The following RANBP17 variants were observed in gnomAD, a reference collection of about 807,000 sequenced individuals.
RANBP17 encodes ran-binding protein 17.
RANBP17 carries 158 observed loss-of-function variants against 141.2 expected under a neutral mutation model. That is an observed-to-expected ratio of 1.12 (90% CI 0.98 to 1.28). The LOEUF is 1.28. Ranked by LOEUF, RANBP17 falls within the 50% of genes most tolerant of loss-of-function variation. The pLI, the probability that RANBP17 is intolerant of heterozygous loss-of-function variation, is 0.00. For synonymous variants in RANBP17, 430 were observed against 450.0 expected, an observed-to-expected ratio of 0.96 and a Z score of 0.56; for missense variants, 1,438 against 1,290.7, an observed-to-expected ratio of 1.11 and a Z score of -1.75.
At chr5:171,114,247 C>T (rs1755454599) in intron 14 of RANBP17, among the ~76,000 whole-genome samples, 1 of 152,048 alleles carries the variant, frequency 6.6e-6, no homozygotes, top group Admixed American at 6.5e-5. Flanking sequence ...TATTTCAGAA[C>T]CTTTCTTTTG....
At chr5:171,022,579 C>T (rs1238170074) in intron 14 of RANBP17, among the ~76,000 whole-genome samples, 1 of 152,218 alleles carries the variant, frequency 6.6e-6, no homozygotes, top group Non-Finnish European at 1.5e-5. Flanking sequence ...CCACAGTCTG[C>T]CACAGCCGGT....
In RANBP17 at chr5:171,197,349, A is replaced by G. The variant is rs370026940; in HGVS notation, c.2039-2321A>G. 1.1e-4 allele frequency among the ~76,000 whole-genome samples: 16 copies of G among 152,282 alleles called. No homozygotes were observed. The East Asian group carries it at 2.5e-3, about 24-fold the overall frequency. Reference sequence around the variant, plus strand: ...TGTTTTCCATGTATTATAACATTTAATCTTCACAGTGACCCTCAATGATAA... The same window carrying G: ...TGTTTTCCATGTATTATAACATTTAGTCTTCACAGTGACCCTCAATGATAA... On this transcript the variant is annotated intron_variant, in intron 18 of 27. Coordinates refer to ENST00000523189, the MANE Select transcript of RANBP17 (RefSeq NM_022897.5).
intron 1 of RANBP17, among the ~76,000 whole-genome samples, chr5:170,864,909 G>C (rs1185731324): frequency 6.6e-6 from 1 of 152,186 alleles, no homozygotes; most frequent in East Asian, 1.9e-4. Context: ...GATCCGTATG[G>C]TCTTTTATAT....
intron 21 of RANBP17, among the ~76,000 whole-genome samples, chr5:171,215,602 G>A (rs924616033): frequency 6.6e-6 from 1 of 152,080 alleles, no homozygotes; most frequent in African/African-American, 2.4e-5. Flanking sequence ...CATTCTAATG[G>A]GCATGAGATG....
At chr5:170,980,905 A>G (rs1777723081) in intron 14 of RANBP17, among the ~76,000 whole-genome samples, 1 of 152,084 alleles carries the variant, frequency 6.6e-6, no homozygotes, top group Non-Finnish European at 1.5e-5. Flanking sequence ...TCACCTGGAA[A>G]AGCCATCGCC....
intron 12 of RANBP17, among the ~76,000 whole-genome samples, chr5:170,928,020 C>A (rs558599025): frequency 2.0e-4 from 30 of 152,174 alleles, no homozygotes; most frequent in African/African-American, 7.0e-4. Flanking sequence ...TACTCTGCAT[C>A]CCTGCCATCA....
At chr5:170,999,398 C>T (rs185108204) in intron 14 of RANBP17, among the ~76,000 whole-genome samples, 43 of 152,136 alleles carry the variant, frequency 2.8e-4, no homozygotes, top group African/African-American at 9.6e-4. Context: ...TTGCAATTAT[C>T]GCTGAAATGC....
intron 7 of RANBP17, among the ~76,000 whole-genome samples, chr5:170,912,993 G>A (rs1046553574): frequency 1.6e-4 from 25 of 151,904 alleles, no homozygotes; most frequent in African/African-American, 5.6e-4. Flanking sequence ...CTCCTACAGA[G>A]GATTGGGGTC....
chr5:171,177,267 GC>G (rs1480446850), intron 16 of RANBP17, among the ~76,000 whole-genome samples: 2 of 151,904 alleles, frequency 1.3e-5, no homozygotes, highest in Non-Finnish European at 2.9e-5. Flanking sequence ...CTCTTCTGTA[GC>G]CCCCTTATTT....
rs1385452508 is a variant in RANBP17 at position 170,953,585 on chromosome 5, A to T, written c.1469-12A>T. 8.2e-5 allele frequency: 102 copies of T among 1,246,070 alleles called. No individual in the cohort carries two copies. Among genetic ancestry groups the T allele is most frequent in the Non-Finnish European group, 1.0e-4 (89 of 872,758 alleles). The allele number at this position is 1,246,070 out of a possible 1,614,324, so 77.2% of individuals were successfully genotyped here. On this transcript the variant is annotated splice_polypyrimidine_tract_variant and intron_variant, in intron 12 of 27. Transcript: ENST00000523189. The stretch of plus-strand genomic sequence containing the variant: ...TACTTACTAAACTTTTTTCTTCCTT[A>T]TTCTATATTAGGACGTCTTGCATGG...
intron 14 of RANBP17, among the ~76,000 whole-genome samples, chr5:171,050,594 C>T (rs76402082): frequency 0.033 from 5,015 of 152,204 alleles, 272 homozygotes; most frequent in African/African-American, 0.11. Context: ...GTGGTCCCAG[C>T]TCTTCAGGAG....
intron 14 of RANBP17, among the ~76,000 whole-genome samples, chr5:171,108,418 A>G (rs1464418924): frequency 1.3e-5 from 2 of 152,086 alleles, no homozygotes; most frequent in African/African-American, 2.4e-5. Flanking sequence ...TATTTTATTT[A>G]TTTATTTATT....
chr5:171,097,612 TTATTATTA>T (rs1786787627), intron 14 of RANBP17, among the ~76,000 whole-genome samples: 2 of 81,782 alleles, frequency 2.4e-5, no homozygotes, highest in Non-Finnish European at 4.6e-5. Context: ...AGTCTTTTTA[TTATTATTA>T]TTATTATTAT....
chr5:171,145,390 A>G (rs1048101902), intron 14 of RANBP17, among the ~76,000 whole-genome samples: 2 of 152,098 alleles, frequency 1.3e-5, no homozygotes, highest in African/African-American at 2.4e-5. Flanking sequence ...CCTAAGCAAG[A>G]TTTGTCTTTT....
chr5:171,078,813 C>G (rs1785094428), intron 14 of RANBP17, among the ~76,000 whole-genome samples: 1 of 152,160 alleles, frequency 6.6e-6, no homozygotes, highest in African/African-American at 2.4e-5. Context: ...TGCTCATTGA[C>G]CACACACTTG....
chr5:171,273,899 TTTC>T (rs1391319117), intron 25 of RANBP17, among the ~76,000 whole-genome samples: 1 of 152,186 alleles, frequency 6.6e-6, no homozygotes, highest in East Asian at 1.9e-4. Context: ...TTGGGGGTTA[TTTC>T]TTAATTTATT....
At chr5:171,000,269 G>T (rs1435977604) in intron 14 of RANBP17, among the ~76,000 whole-genome samples, 1 of 152,074 alleles carries the variant, frequency 6.6e-6, no homozygotes, top group African/African-American at 2.4e-5. Flanking sequence ...TGCATCATGG[G>T]TAATTTTGTG....
chr5:171,147,339 T>TTGTGTGTG (rs59202388), intron 14 of RANBP17, among the ~76,000 whole-genome samples: 15,170 of 104,582 alleles, frequency 0.15, 1,228 homozygotes, highest in Admixed American at 0.2. Flanking sequence ...CTTGGTTGTT[T>TTGTGTGTG]TGTGTGTGTG....
intron 14 of RANBP17, among the ~76,000 whole-genome samples, chr5:170,971,102 T>C (rs1168519335): frequency 6.6e-6 from 1 of 152,208 alleles, no homozygotes. Flanking sequence ...AGTGAAATTA[T>C]TCAGCAGTTA....
Sources: gnomAD v4.1 joint callset for allele counts (sites outside exome capture counted in the v4.1 genomes callset) on GRCh38, gnomAD v4.1.1 for gene constraint, MANE v1.5 for transcripts, NCBI Gene and HGNC (gene_info 2026-07-23, HGNC 2026-07-21) for gene names.